The following NETO2 variants were observed in gnomAD, a reference collection of about 807,000 sequenced individuals.
The protein encoded by NETO2 is neuropilin and tolloid-like protein 2.
In NETO2, 28 loss-of-function variants were observed where a neutral mutation model predicts 62.5. The observed-to-expected ratio is 0.45, with a 90% confidence interval of 0.33 to 0.61. NETO2 has a LOEUF of 0.61. Among genes scored for constraint, NETO2 ranks in the 20% least tolerant of loss-of-function variants. The pLI, the probability that NETO2 is intolerant of heterozygous loss-of-function variation, is 0.02. For missense variants in NETO2, 548 were observed against 643.2 expected (o/e 0.85, Z 1.60); for synonymous variants, 214 against 219.1 (o/e 0.98, Z 0.21).
chr16:47,083,506 G>C lies in NETO2; in HGVS notation c.1293C>G (p.Ala431=). The C allele has an allele frequency of 6.2e-7, 1 of 1,614,226 alleles. No individual in the cohort carries two copies. The highest frequency in any genetic ancestry group is 8.5e-7 in the Non-Finnish European group (1 of 1,180,050). ...NYQKMRRSST[A]SRCIHDHHCG... ...AGTGGTGGTCGTGGATGCAGCGGGA[G>C]GCGGTGGAGGAGCGCCGCATCTTCT... Residue 431 remains alanine, a synonymous_variant, in exon 9 of 9, where the codon GCC becomes GCG. Transcript: ENST00000562435.
At chr16:47,137,175 T>C (rs1417564936) in intron 1 of NETO2, among the ~76,000 whole-genome samples, 2 of 152,250 alleles carry the variant, frequency 1.3e-5, no homozygotes, top group African/African-American at 4.8e-5. Context: ...CCAGCATTTC[T>C]ACTTCCAGGT....
At chr16:47,140,871 G>A (rs1964448648) in intron 1 of NETO2, among the ~76,000 whole-genome samples, 1 of 152,196 alleles carries the variant, frequency 6.6e-6, no homozygotes, top group Non-Finnish European at 1.5e-5. Flanking sequence ...AGTTTCTACA[G>A]CTTGAAATAT....
intron 2 of NETO2, 84 bp from the exon 3 acceptor site, chr16:47,129,448 G>T: frequency 2.9e-6 from 4 of 1,374,096 alleles, no homozygotes; most frequent in Non-Finnish European, 4.1e-6. Flanking sequence ...CCAAACGATT[G>T]CTCACTCTAT....
chr16:47,117,348 T>C (rs951799583), intron 6 of NETO2, among the ~76,000 whole-genome samples: 4 of 152,256 alleles, frequency 2.6e-5, no homozygotes, highest in Admixed American at 6.5e-5. Flanking sequence ...GTATTGCTTT[T>C]TGTTTTTGTT....
chr16:47,100,869 G>A (rs1567384527), intron 7 of NETO2, among the ~76,000 whole-genome samples: 1 of 152,146 alleles, frequency 6.6e-6, no homozygotes, highest in Non-Finnish European at 1.5e-5. Context: ...AATTCTACCA[G>A]AGGTACAAAG....
chr16:47,083,979 A>G (rs1963128748), intron 8 of NETO2, among the ~76,000 whole-genome samples, 178 bp from the exon 9 acceptor site: 1 of 152,232 alleles, frequency 6.6e-6, no homozygotes, highest in African/African-American at 2.4e-5. Flanking sequence ...TTTCTGGTTA[A>G]AGTTACCAAT....
At chr16:47,120,236 T>C (rs982414111) in intron 6 of NETO2, among the ~76,000 whole-genome samples, 11 of 152,198 alleles carry the variant, frequency 7.2e-5, no homozygotes, top group Admixed American at 2.6e-4. Flanking sequence ...TTGTCTGTTA[T>C]TTCTTTCCTA....
chr16:47,099,323 G>A (rs1473038152), intron 7 of NETO2, among the ~76,000 whole-genome samples: 1 of 152,154 alleles, frequency 6.6e-6, no homozygotes, highest in African/African-American at 2.4e-5. Flanking sequence ...ACTAAATATG[G>A]AAAGGAAAAA....
At chr16:47,119,283 C>T (rs1172888690) in intron 6 of NETO2, among the ~76,000 whole-genome samples, 3 of 151,768 alleles carry the variant, frequency 2.0e-5, no homozygotes, top group Non-Finnish European at 1.5e-5. Context: ...TCCTGAGTAG[C>T]TGGGACTACA....
At chr16:47,132,713 G>A (rs1265712127) in intron 1 of NETO2, among the ~76,000 whole-genome samples, 1 of 152,192 alleles carries the variant, frequency 6.6e-6, no homozygotes, top group Non-Finnish European at 1.5e-5. Context: ...AAACCACACT[G>A]CCAGCCTGTC....
At chr16:47,118,376 T>C (rs1963965451) in intron 6 of NETO2, among the ~76,000 whole-genome samples, 1 of 152,220 alleles carries the variant, frequency 6.6e-6, no homozygotes, top group Non-Finnish European at 1.5e-5. Context: ...CCTGCATTAG[T>C]GCTTCCCTGC....
chr16:47,124,580 CAT>C (rs1327992263), intron 4 of NETO2, among the ~76,000 whole-genome samples: 3 of 152,080 alleles, frequency 2.0e-5, no homozygotes, highest in Non-Finnish European at 2.9e-5. Flanking sequence ...TTTATTTTGA[CAT>C]GTGTTGGTTT....
intron 5 of NETO2, 24 bp downstream of exon 5, chr16:47,122,844 G>A: frequency 6.2e-7 from 1 of 1,613,920 alleles, no homozygotes; most frequent in South Asian, 1.1e-5. Context: ...AATGCCAAGA[G>A]GAACAAGTGG....
rs147090370 is a variant in NETO2, at chr16:47,128,564, C to T, written c.242G>A (p.Arg81His). Reference protein sequence around the residue: ...ECIYILEAAPRQRIELTFDEH... With the variant: ...ECIYILEAAPHQRIELTFDEH... ...ATCAAAGGTCAACTCTATTCTTTGA[C>T]GTGGAGCAGCTAGAAAATAAGAGTA... Residue 81 changes from arginine (R) to histidine (H), a missense_variant, in exon 4 of 9, where the codon CGT becomes CAT. Physicochemically the swap from Arg to His is conservative, Grantham distance 29 (BLOSUM62 0). Coordinates refer to ENST00000562435, the MANE Select transcript of NETO2 (RefSeq NM_018092.5). 936 of 1,610,808 alleles carry T rather than the reference C, an allele frequency of 5.8e-4. 2 individuals are homozygous for T. The highest frequency in any genetic ancestry group is 7.3e-4 in the Non-Finnish European group (862 of 1,179,354).
intron 4 of NETO2, 88 bp downstream of exon 4, chr16:47,128,237 C>G: frequency 6.9e-7 from 1 of 1,451,808 alleles, no homozygotes; most frequent in South Asian, 1.4e-5. Context: ...ATTAACTTGA[C>G]CAAATTAATC....
At chr16:47,109,847 T>G (rs1363954831) in intron 6 of NETO2, 136 bp from the exon 7 acceptor site, 2 of 622,618 alleles carry the variant, frequency 3.2e-6, no homozygotes, top group Non-Finnish European at 5.6e-6. Flanking sequence ...GGCTGATGCC[T>G]AAATAGTGAG....
intron 7 of NETO2, among the ~76,000 whole-genome samples, chr16:47,089,221 T>C (rs1963261237): frequency 6.6e-6 from 1 of 152,180 alleles, no homozygotes; most frequent in East Asian, 1.9e-4. Flanking sequence ...GAGAACCCCT[T>C]GGTGGCTGAC....
In NETO2 at chr16:47,080,709, C is replaced by T. The variant is rs980748753; in HGVS notation, c.*2512G>A. 2 of 152,086 alleles carry T rather than the reference C, an allele frequency of 1.3e-5. No homozygotes were observed. Among genetic ancestry groups the T allele is most frequent in the Non-Finnish European group, 2.9e-5 (2 of 67,998 alleles). 9.4% of individuals were successfully genotyped at this position (152,086 alleles called of 1,614,324 possible). A position where few individuals can be genotyped will look rare whatever the true frequency, so the allele number is the denominator to read the frequency against. ...GATCATCTGGTTCTTTAGTTCTATC[C>T]CTGAAAATACAGACTGACCCTAAAC... On this transcript the variant is annotated 3_prime_UTR_variant, in exon 9 of 9. Coordinates refer to ENST00000562435, the MANE Select transcript of NETO2 (RefSeq NM_018092.5).
chr16:47,105,403 CAT>C (rs1327266773), intron 7 of NETO2, among the ~76,000 whole-genome samples: 2 of 152,092 alleles, frequency 1.3e-5, no homozygotes, highest in African/African-American at 4.8e-5. Flanking sequence ...CAGAAGCAAA[CAT>C]ATGAGAAAAG....
Sources: allele counts gnomAD v4.1 joint callset (sites outside exome capture counted in the v4.1 genomes callset), GRCh38; gene constraint gnomAD v4.1.1; transcripts MANE v1.5; gene names NCBI Gene and HGNC (gene_info 2026-07-23, HGNC 2026-07-21).